The following TRPM3 variants were observed in gnomAD, a reference collection of about 807,000 sequenced individuals.
TRPM3 encodes the protein transient receptor potential cation channel subfamily M member 3, also known as long transient receptor potential channel 3.
TRPM3 carries 77 observed loss-of-function variants against 181.2 expected under a neutral mutation model. That is an observed-to-expected ratio of 0.42 (90% CI 0.35 to 0.51). The LOEUF is 0.51. Among genes scored for constraint, TRPM3 ranks in the 20% least tolerant of loss-of-function variants. TRPM3 has a pLI of 0.01. For missense variants in TRPM3, 1,759 were observed against 2,196.7 expected, an observed-to-expected ratio of 0.80 and a Z score of 3.98; for synonymous variants, 745 against 796.4, an observed-to-expected ratio of 0.94 and a Z score of 1.09.
At chr9:70,863,680 A>G (rs895428711) in intron 2 of TRPM3, among the ~76,000 whole-genome samples, 2 of 152,168 alleles carry the variant, frequency 1.3e-5, no homozygotes, top group African/African-American at 2.4e-5. Context: ...GAAAACTTAA[A>G]CTTTGCTCTA....
intron 1 of TRPM3, among the ~76,000 whole-genome samples, chr9:70,866,754 C>T (rs988471365): frequency 6.6e-6 from 1 of 152,004 alleles, no homozygotes; most frequent in Admixed American, 6.6e-5. Flanking sequence ...ATAATTCCAG[C>T]TACTTTGAAG....
chr9:70,884,714 T>A (rs79614917), intron 1 of TRPM3, among the ~76,000 whole-genome samples: 2,651 of 152,344 alleles, frequency 0.017, 47 homozygotes, highest in South Asian at 0.034. Context: ...CTAGAGGGCA[T>A]GTATTCTGCT....
intron 1 of TRPM3, among the ~76,000 whole-genome samples, chr9:71,331,681 G>C (rs1229193174): frequency 7.1e-6 from 1 of 139,902 alleles, no homozygotes; most frequent in East Asian, 2.2e-4. Context: ...AGGAGGAGGA[G>C]GGAGAGGAGA....
chr9:70,990,289 A>T (rs368132907), intron 1 of TRPM3, among the ~76,000 whole-genome samples: 11 of 152,194 alleles, frequency 7.2e-5, no homozygotes, highest in Admixed American at 3.3e-4. Context: ...GCATGAAACA[A>T]CAATACATCT....
chr9:71,120,953 G>T (rs557771860), intron 1 of TRPM3, among the ~76,000 whole-genome samples: 1 of 151,052 alleles, frequency 6.6e-6, no homozygotes, highest in African/African-American at 2.4e-5. Flanking sequence ...TCTCCTTCTC[G>T]AGTGTGGTTC....
At chr9:70,932,234 G>GT (rs890569536) in intron 1 of TRPM3, among the ~76,000 whole-genome samples, 1 of 152,080 alleles carries the variant, frequency 6.6e-6, no homozygotes, top group African/African-American at 2.4e-5. Context: ...TGGAGCTACT[G>GT]TTTTTTCTTT....
At chr9:70,947,078 C>A (rs1317660281) in intron 1 of TRPM3, among the ~76,000 whole-genome samples, 1 of 152,130 alleles carries the variant, frequency 6.6e-6, no homozygotes, top group African/African-American at 2.4e-5. Flanking sequence ...TTGGCATATA[C>A]CTATGAGTGA....
In TRPM3 at chr9:70,535,499, G is replaced by C. The variant is rs1444113782; in HGVS notation, c.*454C>G. 6 of 1,550,268 alleles carry C rather than the reference G, an allele frequency of 3.9e-6. No individual in the cohort carries two copies. In the East Asian group the frequency reaches 1.5e-4, roughly 38 times the overall value. On this transcript the variant is annotated 3_prime_UTR_variant, in exon 26 of 26. Transcript: ENST00000677713. ...AGCCAATGTGAAAAGAAAACAGAAT[G>C]GAAGTTTAGAATATCTCATTGTGTA...
rs1342190457 is a variant in TRPM3, at chr9:70,813,635, C to T, written c.973+14212G>A. Among the ~76,000 whole-genome samples the T allele has an allele frequency of 2.6e-5, 4 of 152,102 alleles. No homozygotes were observed. The East Asian group carries it at 7.7e-4, about 29-fold the overall frequency. On this transcript the variant is annotated intron_variant, in intron 6 of 25. Coordinates refer to ENST00000677713, the MANE Select transcript of TRPM3 (RefSeq NM_001366145.2). Reference sequence around the variant, plus strand: ...ATATACGCTTGTAACAAAACTGTACCTGCACCTCCCGAAACTAAAATAAAA... The same window carrying T: ...ATATACGCTTGTAACAAAACTGTACTTGCACCTCCCGAAACTAAAATAAAA...
At chr9:71,418,365 G>A (rs2093669718) in intron 1 of TRPM3, among the ~76,000 whole-genome samples, 1 of 151,938 alleles carries the variant, frequency 6.6e-6, no homozygotes, top group Non-Finnish European at 1.5e-5. Flanking sequence ...GGAACTGGAA[G>A]TTCAGTAGTT....
At chr9:70,650,596 T>C (rs919114014) in intron 9 of TRPM3, among the ~76,000 whole-genome samples, 1 of 152,216 alleles carries the variant, frequency 6.6e-6, no homozygotes, top group African/African-American at 2.4e-5. Context: ...TTTTGATTCA[T>C]TTTTTCGGTT....
intron 1 of TRPM3, among the ~76,000 whole-genome samples, chr9:71,384,992 A>G (rs1372320398): frequency 6.6e-6 from 1 of 152,216 alleles, no homozygotes; most frequent in African/African-American, 2.4e-5. Flanking sequence ...TATAACCAAG[A>G]AATTAGAAAA....
At chr9:70,870,976 T>A (rs2095778414) in intron 1 of TRPM3, among the ~76,000 whole-genome samples, 1 of 151,958 alleles carries the variant, frequency 6.6e-6, no homozygotes, top group Non-Finnish European at 1.5e-5. Context: ...CTTAACCATA[T>A]GATAATAGGA....
intron 1 of TRPM3, among the ~76,000 whole-genome samples, chr9:70,978,273 T>C (rs2097326926): frequency 6.6e-6 from 1 of 152,190 alleles, no homozygotes; most frequent in South Asian, 2.1e-4. Flanking sequence ...ATATACAAAA[T>C]GAAAAATGTT....
At chr9:70,670,067 G>C (rs11142539) in intron 9 of TRPM3, among the ~76,000 whole-genome samples, 2 of 151,930 alleles carry the variant, frequency 1.3e-5, no homozygotes, top group African/African-American at 4.8e-5. Flanking sequence ...TGACTAATGG[G>C]AGAAGGAGTG....
chr9:71,257,489 T>C (rs1405167066), intron 1 of TRPM3, among the ~76,000 whole-genome samples: 4 of 152,194 alleles, frequency 2.6e-5, no homozygotes, highest in African/African-American at 9.6e-5. Flanking sequence ...ATGTACCCAA[T>C]GACTGGTCAG....
chr9:71,318,468 ACAAC>A (rs958063408), intron 1 of TRPM3, among the ~76,000 whole-genome samples: 4 of 152,192 alleles, frequency 2.6e-5, no homozygotes, highest in Non-Finnish European at 4.4e-5. Context: ...AGTTGTGTCT[ACAAC>A]ATATGCATTT....
intron 1 of TRPM3, among the ~76,000 whole-genome samples, chr9:71,192,550 T>C (rs1185550972): frequency 1.3e-5 from 2 of 151,946 alleles, no homozygotes; most frequent in Non-Finnish European, 2.9e-5. Context: ...TGGCTATTTG[T>C]ATGCCTTCTT....
At chr9:70,581,494 G>C (rs575490986) in intron 22 of TRPM3, among the ~76,000 whole-genome samples, 1 of 152,196 alleles carries the variant, frequency 6.6e-6, no homozygotes, top group African/African-American at 2.4e-5. Context: ...AGGCTTATTT[G>C]GACTCTGTCA....
Sources: gnomAD v4.1 joint callset for allele counts (sites outside exome capture counted in the v4.1 genomes callset) on GRCh38, gnomAD v4.1.1 for gene constraint, MANE v1.5 for transcripts, NCBI Gene and HGNC (gene_info 2026-07-23, HGNC 2026-07-21) for gene names.